The following TTN variants were observed in gnomAD, a reference collection of about 807,000 sequenced individuals.
TTN encodes the protein titin.
TTN carries 1,525 observed loss-of-function variants against 3,223.0 expected under a neutral mutation model. That is an observed-to-expected ratio of 0.47 (90% CI 0.45 to 0.49). The LOEUF (loss-of-function observed/expected upper bound fraction) is 0.49, where lower values mean the gene tolerates loss of function less well. Ranked by LOEUF, TTN falls within the 20% of genes least tolerant of loss-of-function variation. The pLI is 0.00. For missense variants in TTN, 40,786 were observed against 43,424.0 expected, an observed-to-expected ratio of 0.94 and a Z score of 5.40; for synonymous variants, 14,094 against 15,161.0, an observed-to-expected ratio of 0.93 and a Z score of 5.17.
chr2:178,742,744 A>C (rs1321554168), intron 47 of TTN: 1 of 152,106 alleles, frequency 6.6e-6, no homozygotes, highest in Non-Finnish European at 1.5e-5. Context: ...ATTTTTTATT[A>C]AACCTCTTAG....
At position 178,532,387 on chromosome 2, in the gene TTN, T is replaced by C; in HGVS notation, c.104228A>G (p.Tyr34743Cys). 1 of 1,614,034 alleles carries C rather than the reference T, an allele frequency of 6.2e-7. No individual in the cohort carries two copies. Among genetic ancestry groups the C allele is most frequent in the South Asian group, 1.1e-5 (1 of 91,086 alleles). The change falls in exon 358 of 363, where the codon TAT (tyrosine) becomes TGT (cysteine). Residue 34743 changes from tyrosine (Y) to cysteine (C), a missense_variant. Coordinates refer to ENST00000589042, the MANE Select transcript of TTN (RefSeq NM_001267550.2). ...GGCATGCCGTTCCCTCAGTTCTGCA[T>C]AACTTGTACTAGCTTCAGCCTTCGT... The part of the protein sequence containing the change: ...IPTKAEASTS[Y>C]AELRERHAQA...
chr2:178,676,623 C>T (rs2068119347), intron 147 of TTN, among the ~76,000 whole-genome samples: 1 of 151,626 alleles, frequency 6.6e-6, no homozygotes, highest in Non-Finnish European at 1.5e-5. Flanking sequence ...TATTAGCATC[C>T]CCAATTTACA....
At chr2:178,760,379 A>C (rs757904726) in intron 43 of TTN, among the ~76,000 whole-genome samples, 1 of 152,114 alleles carries the variant, frequency 6.6e-6, no homozygotes, top group South Asian at 2.1e-4. Flanking sequence ...AAAATACAAA[A>C]ATTAGCCAGG....
At position 178,773,166 on chromosome 2, in the gene TTN, C is replaced by G; in HGVS notation, c.7798G>C (p.Gly2600Arg). The G allele has an allele frequency of 6.2e-7, 1 of 1,613,622 alleles. No individual in the cohort carries two copies. Among genetic ancestry groups the G allele is most frequent in the Non-Finnish European group, 8.5e-7 (1 of 1,179,840 alleles). The change falls in exon 33 of 363, where the codon GGA (glycine) becomes CGA (arginine). Residue 2600 changes from glycine to arginine, a missense_variant. Physicochemically the swap from Gly to Arg is moderately radical, Grantham distance 125 (BLOSUM62 -2). Transcript: ENST00000589042. ...TCTCCCGCGTAAAATGTGTATTTTCCTTCATCATCTTTCATCATATTTAGA... is the reference window on the plus strand; with the variant it reads ...TCTCCCGCGTAAAATGTGTATTTTCGTTCATCATCTTTCATCATATTTAGA... ...TVLNMMKDDE[G>R]KYTFYAGENM...
In TTN at chr2:178,624,622, G is replaced by A. The variant is rs758666574; in HGVS notation, c.44658C>T (p.Phe14886=). ...TTTTGAGGATTTCTGTCCCATTTTTGAACCATTTCACCTTAGCATTTTCTC... is the reference window on the plus strand; with the variant it reads ...TTTTGAGGATTTCTGTCCCATTTTTAAACCATTTCACCTTAGCATTTTCTC... ...VSRENAKVKW[F]KNGTEILKSK... Residue 14886 remains phenylalanine, a synonymous_variant, in exon 242 of 363, where the codon TTC becomes TTT. Coordinates refer to ENST00000589042, the MANE Select transcript of TTN (RefSeq NM_001267550.2). 6.2e-7 allele frequency: 1 copy of A among 1,612,546 alleles called. No individual in the cohort carries two copies. Among genetic ancestry groups the A allele is most frequent in the South Asian group, 1.1e-5 (1 of 91,046 alleles).
chr2:178,718,518 G>T lies in TTN; in HGVS notation c.24588C>A (p.Gly8196=), dbSNP rs1057523933. ...TCCAGCTCACTGAGATTGGAGGTGT[G>T]CCAGTGTATGTGGCCTCGAGAACTA... ...SPIVLEATYT[G]TPPISVSWIK... is the part of the protein sequence containing the mutation. Residue 8196 remains glycine (G), a synonymous_variant, in exon 85 of 363, where the codon GGC becomes GGA. Transcript: ENST00000589042. The T allele has an allele frequency of 8.7e-6, 14 of 1,613,608 alleles. No homozygotes were observed. The highest frequency in any genetic ancestry group is 1.3e-5 in the African/African-American group (1 of 74,900).
rs2092628708 is a variant in TTN, at chr2:178,780,073, T to C, written c.3656A>G (p.Glu1219Gly). 6.2e-7 allele frequency: 1 copy of C among 1,613,412 alleles called. No individual in the cohort carries two copies. The highest frequency in any genetic ancestry group is 8.5e-7 in the Non-Finnish European group (1 of 1,179,568). ...CTTCCTAATTAAGGCTTGTTCTTTTTCATACTCTTTTTCATACTCAGAGTA... is the reference window on the plus strand; with the variant it reads ...CTTCCTAATTAAGGCTTGTTCTTTTCCATACTCTTTTTCATACTCAGAGTA... ...FVYSEYEKEY[E>G]KEQALIRKKM... The change falls in exon 22 of 363, where the codon GAA (glutamate) becomes GGA (glycine). Residue 1219 changes from glutamate to glycine, a missense_variant. Glu to Gly is a moderately conservative substitution (Grantham distance 98, BLOSUM62 -2). Transcript: ENST00000589042.
At chr2:178,536,676 TA>T (rs1691660217) in intron 356 of TTN, 101 bp from the exon 357 acceptor site, 2 of 1,045,780 alleles carry the variant, frequency 1.9e-6, no homozygotes, top group South Asian at 2.1e-5. Context: ...AAAATTTTGT[TA>T]AAAAATAGCT....
At position 178,692,520 on chromosome 2, in the gene TTN, T is replaced by A; in HGVS notation, c.31655A>T (p.Lys10552Ile). 1 of 1,587,124 alleles carries A rather than the reference T, an allele frequency of 6.3e-7. No individual in the cohort carries two copies. Among genetic ancestry groups the A allele is most frequent in the Non-Finnish European group, 8.6e-7 (1 of 1,165,468 alleles). The change falls in exon 120 of 363, where the codon AAA becomes ATA. Residue 10552 changes from lysine to isoleucine, a missense_variant. Lys to Ile is a moderately radical substitution (Grantham distance 102). Transcript: ENST00000589042. ...EEVAPVPIPKKVEPPAPKVPE... is the reference protein window; with the variant it reads ...EEVAPVPIPKIVEPPAPKVPE... ...ACCTTTTGGTGCTGGGGGCTCCACTTTTTTAGGGATAGGAACAGGGGCCAC... is the reference window on the plus strand; with the variant it reads ...ACCTTTTGGTGCTGGGGGCTCCACTATTTTAGGGATAGGAACAGGGGCCAC...
chr2:178,640,101 A>T lies in TTN; in HGVS notation c.40733T>A (p.Ile13578Asn), dbSNP rs768579850. 6.2e-7 allele frequency: 1 copy of T among 1,611,886 alleles called. No homozygotes were observed. The highest frequency in any genetic ancestry group is 8.5e-7 in the Non-Finnish European group (1 of 1,178,660). ...TGCAGGGAGAGGTATTGCTGGCTTGATTTCAGGCACTGAAATAATTTAGAG... is the reference window on the plus strand; with the variant it reads ...TGCAGGGAGAGGTATTGCTGGCTTGTTTTCAGGCACTGAAATAATTTAGAG... The part of the protein sequence containing the change: ...KIPEPTKVPE[I>N]KPAIPLPAPE... The change falls in exon 222 of 363, where the codon ATC becomes AAC. Residue 13578 changes from isoleucine to asparagine, a missense_variant. Coordinates refer to ENST00000589042, the MANE Select transcript of TTN (RefSeq NM_001267550.2).
chr2:178,541,643 C>T, intron 349 of TTN, 59 bp from the exon 350 acceptor site: 1 of 1,423,626 alleles, frequency 7.0e-7, no homozygotes, highest in South Asian at 1.7e-5. Context: ...AACAATGACT[C>T]ATATATTTGT....
rs757282339 is a variant in TTN, at chr2:178,581,534, T to A, written c.66734A>T (p.Asp22245Val). 3 of 1,609,306 alleles carry A rather than the reference T, an allele frequency of 1.9e-6. No homozygotes were observed. The highest frequency in any genetic ancestry group is 2.5e-6 in the Non-Finnish European group (3 of 1,176,828). ...CTTGGGATAGTGTTTATCTGGCACA[T>A]CACTGGGGTCACTGTATCCAATCTT... Reference protein sequence around the residue: ...VNKIGYSDPSDVPDKHYPKDI... With the variant: ...VNKIGYSDPSVVPDKHYPKDI... The change falls in exon 316 of 363, where the codon GAT (aspartate) becomes GTT (valine). Residue 22245 changes from aspartate (D) to valine (V), a missense_variant. Physicochemically the swap from Asp to Val is radical, Grantham distance 152 (BLOSUM62 -3). Transcript: ENST00000589042.
intron 205 of TTN, 45 bp downstream of exon 205, chr2:178,651,839 G>C (rs2154250109): frequency 6.3e-7 from 1 of 1,599,880 alleles, no homozygotes; most frequent in Middle Eastern, 1.7e-4. Flanking sequence ...GGGCAGGAAG[G>C]GGAAAGAGTG....
In TTN at chr2:178,735,577, T is replaced by C. The variant is rs780405420; in HGVS notation, c.14869A>G (p.Thr4957Ala). ...IPLAKLKDSGTYVCTASNEAG... is the reference protein window; with the variant it reads ...IPLAKLKDSGAYVCTASNEAG... ...TCATTTGAAGCTGTACAGACATAGG[T>C]TCCTGAATCTTTCAGTTTGGCCAAA... Residue 4957 changes from threonine (T) to alanine (A), a missense_variant, in exon 50 of 363, where the codon ACC becomes GCC. Physicochemically the swap from Thr to Ala is moderately conservative, Grantham distance 58. Transcript: ENST00000589042. 1.2e-6 allele frequency: 2 copies of C among 1,613,026 alleles called. No individual in the cohort carries two copies. Among genetic ancestry groups the C allele is most frequent in the East Asian group, 2.2e-5 (1 of 44,764 alleles).
intron 88 of TTN, among the ~76,000 whole-genome samples, chr2:178,716,355 T>A (rs1489414106): frequency 6.6e-6 from 1 of 152,128 alleles, no homozygotes; most frequent in Non-Finnish European, 1.5e-5. Context: ...AAGCAAAAAA[T>A]TCAGGCATAG....
At chr2:178,700,991 TAATTTACATTTTGAAAGGC>T in intron 111 of TTN, 110 bp downstream of exon 111, 1 of 659,604 alleles carries the variant, frequency 1.5e-6, no homozygotes, top group East Asian at 2.8e-5. Context: ...TTTGAGAAAG[TAATTTACATTTTGAAAGGC>T]AATTCCACCT....
In TTN at chr2:178,756,468, T is replaced by G. The variant is rs794729589; in HGVS notation, c.11008A>C (p.Thr3670Pro). The G allele has an allele frequency of 6.8e-6, 11 of 1,613,834 alleles. No homozygotes were observed. Among genetic ancestry groups the G allele is most frequent in the Non-Finnish European group, 9.3e-6 (11 of 1,179,814 alleles). Residue 3670 changes from threonine (T) to proline (P), a missense_variant, in exon 46 of 363, where the codon ACT (threonine) becomes CCT (proline). Thr to Pro is a conservative substitution (Grantham distance 38). Coordinates refer to ENST00000589042, the MANE Select transcript of TTN (RefSeq NM_001267550.2). ...PKIFLHLQDV[T>P]VKCGDTAQFL... ...TGAGCCGTGTCACCGCACTTTACAGTGACGTCCTGAAGATGCAGGAAAATC... is the reference window on the plus strand; with the variant it reads ...TGAGCCGTGTCACCGCACTTTACAGGGACGTCCTGAAGATGCAGGAAAATC...
In TTN at chr2:178,564,383, G is replaced by A; in HGVS notation, c.81749C>T (p.Ala27250Val). The change falls in exon 326 of 363, where the codon GCA (alanine) becomes GTA (valine). Residue 27250 changes from alanine to valine, a missense_variant. Physicochemically the swap from Ala to Val is moderately conservative, Grantham distance 64. Coordinates refer to ENST00000589042, the MANE Select transcript of TTN (RefSeq NM_001267550.2). ...RYEFRVIARN[A>V]AGNFSEPSDS... ...AGATGGTTCACTAAAGTTTCCAGCT[G>A]CATTTCTTGCAATTACTCTAAATTC... is the stretch of plus-strand genomic sequence containing the variant. 6.2e-7 allele frequency: 1 copy of A among 1,613,580 alleles called. No homozygotes were observed. The highest frequency in any genetic ancestry group is 8.5e-7 in the Non-Finnish European group (1 of 1,179,742).
In TTN at chr2:178,734,469, T is replaced by C. The variant is rs1183767493; in HGVS notation, c.15355A>G (p.Lys5119Glu). 6.2e-7 allele frequency: 1 copy of C among 1,613,794 alleles called. No homozygotes were observed. The highest frequency in any genetic ancestry group is 2.2e-5 in the East Asian group (1 of 44,864). ...TTCTGAGAAAACAATCTGTATTTTT[T>C]ACTACTTCGAATTTGTTTCTTGTCT... ...FKDKKQIRSS[K>E]KYRLFSQKSL... Residue 5119 changes from lysine (K) to glutamate (E), a missense_variant, in exon 52 of 363, where the codon AAA (lysine) becomes GAA (glutamate). Physicochemically the swap from Lys to Glu is moderately conservative, Grantham distance 56 (BLOSUM62 1). Transcript: ENST00000589042.
Sources: allele counts gnomAD v4.1 joint callset (sites outside exome capture counted in the v4.1 genomes callset), GRCh38; gene constraint gnomAD v4.1.1; transcripts MANE v1.5; gene names NCBI Gene and HGNC (gene_info 2026-07-23, HGNC 2026-07-21).